Variants in MBL2 observed in about 807,000 individuals in gnomAD.
MBL2 encodes mannose binding lectin 2.
Under a neutral mutation model 12.7 loss-of-function variants are expected in MBL2, and 6 were observed. That is an observed-to-expected ratio of 0.47 (90% CI 0.26 to 0.94). The LOEUF (loss-of-function observed/expected upper bound fraction) is 0.94. Among genes scored for constraint, MBL2 ranks in the 40% least tolerant of loss-of-function variants. The pLI is 0.15. For missense variants in MBL2, 307 were observed against 295.2 expected, an observed-to-expected ratio of 1.04 and a Z score of -0.29; for synonymous variants, 114 against 112.0, an observed-to-expected ratio of 1.02 and a Z score of -0.11.
intron 3 of MBL2, among the ~76,000 whole-genome samples, chr10:52,769,884 A>G (rs2132692898): frequency 6.6e-6 from 1 of 150,992 alleles, no homozygotes; most frequent in Admixed American, 6.6e-5. Flanking sequence ...TGGCCTCAAT[A>G]GGGTACAGCT....
rs924997625 is a variant in MBL2, at chr10:52,765,917, G to A, written c.*2220C>T. 1.3e-5 allele frequency: 2 copies of A among 152,036 alleles called. No individual in the cohort carries two copies. The highest frequency in any genetic ancestry group is 2.9e-5 in the Non-Finnish European group (2 of 67,992). The allele number at this position is 152,036 out of a possible 1,614,324, so 9.4% of individuals were successfully genotyped here. On this transcript the variant is annotated 3_prime_UTR_variant, in exon 5 of 5. Transcript: ENST00000674931. ...TAGATTTAAGAAATAAACTTATTGA[G>A]TTTACTAAACATCGTAAGACTACAC...
intron 3 of MBL2, among the ~76,000 whole-genome samples, 182 bp from the exon 4 acceptor site, chr10:52,769,497 A>G (rs1838065): frequency 0.31 from 47,757 of 151,826 alleles, 8,624 homozygotes; most frequent in East Asian, 0.48. Context: ...CGCTATTTCC[A>G]TCCAACCCCA....
intron 4 of MBL2, 143 bp downstream of exon 4, chr10:52,769,104 C>T: frequency 1.7e-6 from 1 of 593,480 alleles, no homozygotes; most frequent in East Asian, 2.8e-5. Flanking sequence ...CCATTTCTAC[C>T]AAAATGTTGT....
At chr10:52,772,352 C>A (rs1337879284) in intron 1 of MBL2, among the ~76,000 whole-genome samples, 1 of 152,140 alleles carries the variant, frequency 6.6e-6, no homozygotes, top group Non-Finnish European at 1.5e-5. Flanking sequence ...AGGAATTCCC[C>A]ATGTTCTGTG....
chr10:52,772,455 C>T (rs1487873510), intron 1 of MBL2, among the ~76,000 whole-genome samples: 4 of 152,108 alleles, frequency 2.6e-5, no homozygotes, highest in African/African-American at 7.2e-5. Context: ...AGCTTTCTTC[C>T]AGCTATTGCC....
In MBL2 at chr10:52,767,898, A is replaced by G. The variant is rs1250185627; in HGVS notation, c.*239T>C. ...AGATAATTAATGTAGGATGCAAAAGATAGGGCCTCATAGTATATATTAAAA... is the reference window on the plus strand; with the variant it reads ...AGATAATTAATGTAGGATGCAAAAGGTAGGGCCTCATAGTATATATTAAAA... On this transcript the variant is annotated 3_prime_UTR_variant, in exon 5 of 5. Coordinates refer to ENST00000674931, the MANE Select transcript of MBL2 (RefSeq NM_001378373.1). The G allele has an allele frequency of 4.2e-5, 15 of 360,728 alleles. No individual in the cohort carries two copies. The highest frequency in any genetic ancestry group is 6.4e-5 in the Non-Finnish European group (13 of 204,676). 22.3% of individuals were successfully genotyped at this position (360,728 alleles called of 1,614,324 possible).
Position 52,766,650 on chromosome 10 carries a change from G to T in MBL2, c.*1487C>A, listed in dbSNP as rs1488772136. ...ACATGACACAAAAAGCACTAATTTT[G>T]AAAGAAAATATGAATAAATAAGACT... On this transcript the variant is annotated 3_prime_UTR_variant, in exon 5 of 5. Coordinates refer to ENST00000674931, the MANE Select transcript of MBL2 (RefSeq NM_001378373.1). 6.6e-6 allele frequency: 1 copy of T among 151,960 alleles called. No individual in the cohort carries two copies. Among genetic ancestry groups the T allele is most frequent in the Non-Finnish European group, 1.5e-5 (1 of 67,976 alleles). The allele number at this position is 151,960 out of a possible 1,614,324, so 9.4% of individuals were successfully genotyped here. A position where few individuals can be genotyped will look rare whatever the true frequency, so the allele number is the denominator to read the frequency against.
intron 4 of MBL2, 33 bp from the exon 5 acceptor site, chr10:52,768,543 A>T (rs2132691444): frequency 1.4e-6 from 2 of 1,475,236 alleles, no homozygotes; most frequent in East Asian, 4.6e-5. Flanking sequence ...AAACTGACTC[A>T]TCCTTAAGCC....
chr10:52,768,588 G>C, intron 4 of MBL2, 78 bp from the exon 5 acceptor site: 1 of 1,100,078 alleles, frequency 9.1e-7, no homozygotes, highest in Non-Finnish European at 1.3e-6. Flanking sequence ...AAGTCTTCTA[G>C]AGTACAGTTG....
At chr10:52,772,241 C>T (rs752752991) in intron 1 of MBL2, among the ~76,000 whole-genome samples, 1 of 152,164 alleles carries the variant, frequency 6.6e-6, no homozygotes, top group Non-Finnish European at 1.5e-5. Context: ...GTTTGCTTCC[C>T]CTTGGTGTTT....
At position 52,765,926 on chromosome 10, in the gene MBL2, A is replaced by G. The variant is rs1404913412; in HGVS notation, c.*2211T>C. On this transcript the variant is annotated 3_prime_UTR_variant, in exon 5 of 5. Transcript: ENST00000674931. ...GAAATAAACTTATTGAGTTTACTAA[A>G]CATCGTAAGACTACACACAAAACTT... The G allele has an allele frequency of 6.6e-6, 1 of 152,226 alleles. No individual in the cohort carries two copies. Among genetic ancestry groups the G allele is most frequent in the African/African-American group, 2.4e-5 (1 of 41,466 alleles). 9.4% of individuals were successfully genotyped at this position (152,226 alleles called of 1,614,324 possible).
intron 1 of MBL2, 35 bp from the exon 2 acceptor site, chr10:52,771,679 A>G (rs4647963): frequency 1.3e-6 from 2 of 1,589,316 alleles, no homozygotes; most frequent in Non-Finnish European, 1.7e-6. Context: ...GGTTAATCTC[A>G]GTTAATGAAC....
At position 52,765,662 on chromosome 10, in the gene MBL2, A is replaced by G. The variant is rs1478201016; in HGVS notation, c.*2475T>C. On this transcript the variant is annotated 3_prime_UTR_variant, in exon 5 of 5. Transcript: ENST00000674931. Reference sequence around the variant, plus strand: ...CAAAGTAACTGGCTCTAGATCATGTAGCAATTAAGTGACAGAGCTGTGAAT... The same window carrying G: ...CAAAGTAACTGGCTCTAGATCATGTGGCAATTAAGTGACAGAGCTGTGAAT... 2.0e-5 allele frequency: 3 copies of G among 152,196 alleles called. No homozygotes were observed. Among genetic ancestry groups the G allele is most frequent in the Non-Finnish European group, 4.4e-5 (3 of 68,042 alleles). 9.4% of individuals were successfully genotyped at this position (152,196 alleles called of 1,614,324 possible).
Position 52,771,843 on chromosome 10 carries a change from A to T in MBL2, c.-9-199T>A, listed in dbSNP as rs1840398056. The T allele has an allele frequency of 2.1e-5, 15 of 704,392 alleles. No individual in the cohort carries two copies. In the South Asian group the frequency reaches 3.4e-4, roughly 16 times the overall value. The allele number at this position is 704,392 out of a possible 1,614,324, so 43.6% of individuals were successfully genotyped here. On this transcript the variant is annotated intron_variant, in intron 1 of 4. Coordinates refer to ENST00000674931, the MANE Select transcript of MBL2 (RefSeq NM_001378373.1). ...TACTTTAACAAAGGTAGGCACTATG[A>T]TGAGCAGTGGGGATCCTAAGGAGGG...
Position 52,768,323 on chromosome 10 carries a change from A to G in MBL2, c.561T>C (p.Thr187=). 3 of 1,613,780 alleles carry G rather than the reference A, an allele frequency of 1.9e-6. No individual in the cohort carries two copies. The South Asian group carries it at 3.3e-5, about 18-fold the overall frequency. ...CAAACTGCCCTTCTGTCTTCTCATC[A>G]GTGATGCCCAGGAAGGCTTCCTCCT... The part of the protein sequence containing the change: ...LIKEEAFLGI[T]DEKTEGQFVD... The change falls in exon 5 of 5, where the codon ACT becomes ACC. Residue 187 remains threonine (T), a synonymous_variant. Coordinates refer to ENST00000674931, the MANE Select transcript of MBL2 (RefSeq NM_001378373.1).
chr10:52,771,518 A>C lies in MBL2; in HGVS notation c.118T>G (p.Ser40Ala), dbSNP rs148483303. 5.5e-5 allele frequency: 89 copies of C among 1,613,474 alleles called. 1 individual carries two copies. In the African/African-American group the frequency reaches 8.7e-4, roughly 16 times the overall value. ...KTCPAVIACS[S>A]PGINGFPGKD... ...CCTGGGAAGCCGTTGATGCCTGGAGAGCTACAGGCAATCACTGCAGGGCAG... is the reference window on the plus strand; with the variant it reads ...CCTGGGAAGCCGTTGATGCCTGGAGCGCTACAGGCAATCACTGCAGGGCAG... The change falls in exon 2 of 5, where the codon TCT (serine) becomes GCT (alanine). Residue 40 changes from serine to alanine, a missense_variant. By Grantham distance (99) the Ser-to-Ala change is moderately conservative (BLOSUM62 1). Transcript: ENST00000674931.
chr10:52,768,508 G>A lies in MBL2; in HGVS notation c.376C>T (p.Leu126Phe), dbSNP rs1025305086. The change falls in exon 5 of 5, where the codon CTC becomes TTC. Residue 126 changes from leucine to phenylalanine, a missense_variant and splice_region_variant. Physicochemically the swap from Leu to Phe is conservative, Grantham distance 22 (BLOSUM62 0). Coordinates refer to ENST00000674931, the MANE Select transcript of MBL2 (RefSeq NM_001378373.1). Reference sequence around the variant, plus strand: ...ACTTGTTTGCCCAGAGAGAAGGTGAGCCCTAAAATGTGAAAAAGTGGGTGA... The same window carrying A: ...ACTTGTTTGCCCAGAGAGAAGGTGAACCCTAAAATGTGAAAAAGTGGGTGA... ...QTEMARIKKW[L>F]TFSLGKQVGN... is the part of the protein sequence containing the mutation. The A allele has an allele frequency of 1.3e-6, 2 of 1,532,860 alleles. No homozygotes were observed. Among genetic ancestry groups the A allele is most frequent in the Middle Eastern group, 1.8e-4 (1 of 5,660 alleles). 95.0% of individuals were successfully genotyped at this position (1,532,860 alleles called of 1,614,324 possible).
rs749354310 is a variant in MBL2, at chr10:52,768,492, C to T, written c.392G>A (p.Gly131Asp). 27 of 1,576,512 alleles carry T rather than the reference C, an allele frequency of 1.7e-5. No homozygotes were observed. Among genetic ancestry groups the T allele is most frequent in the South Asian group, 2.4e-5 (2 of 83,218 alleles). The change falls in exon 5 of 5, where the codon GGC becomes GAC. Residue 131 changes from glycine to aspartate, a missense_variant. Gly to Asp is a moderately conservative substitution (Grantham distance 94). Coordinates refer to ENST00000674931, the MANE Select transcript of MBL2 (RefSeq NM_001378373.1). ...RIKKWLTFSL[G>D]KQVGNKFFLT... ...GAAGAACTTGTTCCCAACTTGTTTG[C>T]CCAGAGAGAAGGTGAGCCCTAAAAT...
Position 52,768,532 on chromosome 10 carries a change from G to A in MBL2, c.374-22C>T, listed in dbSNP as rs55752601. 4.0e-4 allele frequency: 606 copies of A among 1,511,976 alleles called. 8 individuals carry two copies. In the East Asian group the frequency reaches 0.011, roughly 26 times the overall value. The allele number at this position is 1,511,976 out of a possible 1,614,324, so 93.7% of individuals were successfully genotyped here. A position where few individuals can be genotyped will look rare whatever the true frequency, so the allele number is the denominator to read the frequency against. Reference sequence around the variant, plus strand: ...AGCCCTAAAATGTGAAAAAGTGGGTGAAACTGACTCATCCTTAAGCCCAAC... The same window carrying A: ...AGCCCTAAAATGTGAAAAAGTGGGTAAAACTGACTCATCCTTAAGCCCAAC... On this transcript the variant is annotated intron_variant, in intron 4 of 4. Transcript: ENST00000674931.
Sources: gnomAD v4.1 joint callset for allele counts (sites outside exome capture counted in the v4.1 genomes callset) on GRCh38, gnomAD v4.1.1 for gene constraint, MANE v1.5 for transcripts, NCBI Gene and HGNC (gene_info 2026-07-23, HGNC 2026-07-21) for gene names.